Variants in NELL1 observed in about 807,000 individuals in gnomAD.
NELL1 encodes the protein protein kinase C-binding protein NELL1.
Under a neutral mutation model 107.4 loss-of-function variants are expected in NELL1, and 76 were observed. That is an observed-to-expected ratio of 0.71 (90% confidence interval 0.59 to 0.86). The LOEUF (loss-of-function observed/expected upper bound fraction) is 0.86. Among genes scored for constraint, NELL1 ranks in the 40% least tolerant of loss-of-function variants. The pLI, the probability that NELL1 is intolerant of heterozygous loss-of-function variation, is 0.00. For missense variants in NELL1, 1,024 were observed against 1,005.5 expected (o/e 1.02, Z -0.25); for synonymous variants, 353 against 341.2 (o/e 1.03, Z -0.38).
At chr11:21,369,362 A>ATTTT (rs34302489) in intron 14 of NELL1, among the ~76,000 whole-genome samples, 37 of 110,398 alleles carry the variant, frequency 3.4e-4, no homozygotes, top group Non-Finnish European at 4.5e-4. Context: ...GGTAGGTACT[A>ATTTT]TTTTTTTTTT....
intron 14 of NELL1, among the ~76,000 whole-genome samples, chr11:21,339,523 C>T (rs140158846): frequency 3.0e-4 from 46 of 152,166 alleles, no homozygotes; most frequent in African/African-American, 1.1e-3. Context: ...AGCTAACTCT[C>T]CAAACTGGTA....
In NELL1 at chr11:21,000,891, A is replaced by T. The variant is rs1392713894; in HGVS notation, c.1300+40331A>T. 6 of 152,250 alleles carry T rather than the reference A, an allele frequency of 3.9e-5. No homozygotes were observed. In the East Asian group the frequency reaches 9.7e-4, roughly 25 times the overall value. 9.4% of individuals were successfully genotyped at this position (152,250 alleles called of 1,614,324 possible). ...GTTATGGTCGTAGACAGCCTACAGC[A>T]CCCGGTATTCCCAGGAGGTCTCCCA... is the stretch of plus-strand genomic sequence containing the variant. On this transcript the variant is annotated intron_variant, in intron 12 of 19. Coordinates refer to ENST00000357134, the MANE Select transcript of NELL1 (RefSeq NM_006157.5).
At chr11:20,973,736 G>T (rs1307093692) in intron 12 of NELL1, among the ~76,000 whole-genome samples, 6 of 152,234 alleles carry the variant, frequency 3.9e-5, no homozygotes, top group African/African-American at 1.2e-4. Flanking sequence ...TTTTAGGATT[G>T]AAAGGATTTA....
intron 5 of NELL1, among the ~76,000 whole-genome samples, chr11:20,897,411 T>C (rs1265822245): frequency 6.6e-6 from 1 of 152,130 alleles, no homozygotes; most frequent in Non-Finnish European, 1.5e-5. Flanking sequence ...CAAAAATTAA[T>C]TCAAGATGGA....
At chr11:20,820,659 CA>C (rs1308490301) in intron 3 of NELL1, among the ~76,000 whole-genome samples, 3 of 152,170 alleles carry the variant, frequency 2.0e-5, no homozygotes, top group Non-Finnish European at 2.9e-5. Flanking sequence ...CTGTTGTTCA[CA>C]GGCATGTCCA....
chr11:21,554,632 A>C (rs950024199), intron 16 of NELL1, among the ~76,000 whole-genome samples: 33 of 152,036 alleles, frequency 2.2e-4, no homozygotes, highest in African/African-American at 7.7e-4. Flanking sequence ...CAAGACCAAC[A>C]ATAATAGTGA....
intron 12 of NELL1, among the ~76,000 whole-genome samples, chr11:21,028,440 T>C (rs1370224611): frequency 6.6e-6 from 1 of 152,152 alleles, no homozygotes; most frequent in Non-Finnish European, 1.5e-5. Context: ...AATCAGTGAC[T>C]CCATGCTGAA....
chr11:21,156,597 T>G (rs1245552801), intron 13 of NELL1, among the ~76,000 whole-genome samples: 2 of 152,122 alleles, frequency 1.3e-5, no homozygotes, highest in Non-Finnish European at 2.9e-5. Context: ...ATTCCTGATG[T>G]GGATTACTTC....
intron 4 of NELL1, among the ~76,000 whole-genome samples, chr11:20,870,599 G>A (rs1849178097): frequency 6.6e-6 from 1 of 152,146 alleles, no homozygotes; most frequent in South Asian, 2.1e-4. Flanking sequence ...ATGATGAGTT[G>A]GAGTTTGAAA....
intron 16 of NELL1, among the ~76,000 whole-genome samples, chr11:21,551,078 T>C (rs1486924462): frequency 1.3e-5 from 2 of 151,118 alleles, no homozygotes; most frequent in Non-Finnish European, 2.9e-5. Flanking sequence ...GTTGGATTCC[T>C]AGGTATTTTA....
At chr11:21,095,852 C>T (rs1044965501) in intron 12 of NELL1, among the ~76,000 whole-genome samples, 4 of 152,132 alleles carry the variant, frequency 2.6e-5, no homozygotes, top group African/African-American at 7.2e-5. Flanking sequence ...TCAGGTAATC[C>T]ACCCGCCTCA....
At chr11:20,963,051 T>C (rs1373245726) in intron 12 of NELL1, among the ~76,000 whole-genome samples, 1 of 152,180 alleles carries the variant, frequency 6.6e-6, no homozygotes, top group Non-Finnish European at 1.5e-5. Flanking sequence ...CTCGCATTCC[T>C]TCTGCCATCT....
chr11:21,275,506 T>A (rs1848835102), intron 14 of NELL1, among the ~76,000 whole-genome samples: 1 of 152,172 alleles, frequency 6.6e-6, no homozygotes, highest in African/African-American at 2.4e-5. Flanking sequence ...TCTGAAACTG[T>A]TCCAATCAAT....
intron 13 of NELL1, among the ~76,000 whole-genome samples, chr11:21,150,297 C>CA (rs1856084898): frequency 6.6e-6 from 1 of 152,154 alleles, no homozygotes; most frequent in Non-Finnish European, 1.5e-5. Context: ...GTATATTACT[C>CA]AAAGTGCTGC....
rs12575598 is a variant in NELL1, at chr11:21,484,583, T to G, written c.1646-49791T>G. On this transcript the variant is annotated intron_variant, in intron 15 of 19. Transcript: ENST00000357134. Reference sequence around the variant, plus strand: ...TTATGTATGTATACATATATGGATATGTATATTTGTGTATAGTAGATGATA... The same window carrying G: ...TTATGTATGTATACATATATGGATAGGTATATTTGTGTATAGTAGATGATA... Among the ~76,000 whole-genome samples the G allele has an allele frequency of 0.02, 3,059 of 152,106 alleles. 270 individuals are homozygous for G. The East Asian group carries it at 0.28, about 14-fold the overall frequency.
At chr11:20,942,168 A>T (rs1189186340) in intron 10 of NELL1, among the ~76,000 whole-genome samples, 1 of 152,200 alleles carries the variant, frequency 6.6e-6, no homozygotes, top group Non-Finnish European at 1.5e-5. Flanking sequence ...TTTGTTCTTT[A>T]TGGAGAGCTG....
chr11:21,210,318 A>T (rs771790662), intron 13 of NELL1, among the ~76,000 whole-genome samples: 1 of 152,244 alleles, frequency 6.6e-6, no homozygotes, highest in East Asian at 1.9e-4. Flanking sequence ...ACTAATTTCC[A>T]TAGAGACAGA....
chr11:20,820,846 G>T (rs1319465093), intron 3 of NELL1, among the ~76,000 whole-genome samples: 2 of 152,094 alleles, frequency 1.3e-5, no homozygotes, highest in Non-Finnish European at 2.9e-5. Flanking sequence ...CTCTGCCCCT[G>T]CCATGCTATA....
intron 15 of NELL1, among the ~76,000 whole-genome samples, chr11:21,502,773 A>G (rs1288362633): frequency 2.0e-5 from 3 of 152,220 alleles, no homozygotes; most frequent in African/African-American, 7.2e-5. Context: ...AAATGAAGCA[A>G]TTGTGAATGG....
Sources: gnomAD v4.1 joint callset for allele counts (sites outside exome capture counted in the v4.1 genomes callset) on GRCh38, gnomAD v4.1.1 for gene constraint, MANE v1.5 for transcripts, NCBI Gene and HGNC (gene_info 2026-07-23, HGNC 2026-07-21) for gene names.